Variants in TMEM255B observed in about 807,000 individuals in gnomAD.
The protein encoded by TMEM255B is family with sequence similarity 70, member B.
Under a neutral mutation model 34.5 loss-of-function variants are expected in TMEM255B, and 35 were observed. The observed-to-expected ratio is 1.01, with a 90% CI of 0.77 to 1.34. The LOEUF is 1.34. TMEM255B is among the 40% of genes most tolerant of loss of function. TMEM255B has a pLI of 0.00. For missense variants in TMEM255B, 432 were observed against 433.2 expected (o/e 1.00, Z 0.02); for synonymous variants, 206 against 201.2 (o/e 1.02, Z -0.20).
chr13:113,801,764 G>A lies in TMEM255B; in HGVS notation c.621G>A (p.Leu207=). The change falls in exon 7 of 9, where the codon CTG becomes CTA. Residue 207 remains leucine, a synonymous_variant. Transcript: ENST00000375353. ...CTGCAGTTCTGAACGTCCTGGGCCT[G>A]TTCCTGGGCATCATCACCGCCGCCG... ...WASAVLNVLG[L]FLGIITAAVL... 4 of 1,612,816 alleles carry A rather than the reference G, an allele frequency of 2.5e-6. No individual in the cohort carries two copies. Among genetic ancestry groups the A allele is most frequent in the Non-Finnish European group, 3.4e-6 (4 of 1,179,494 alleles).
rs113693127 is a variant in TMEM255B at position 113,815,922 on chromosome 13, CTG to C, written c.*4023_*4024del. 3.9e-3 allele frequency: 608 copies of C among 154,900 alleles called. 8 individuals carry two copies. The highest frequency in any genetic ancestry group is 0.014 in the African/African-American group (578 of 41,560). The allele number at this position is 154,900 out of a possible 1,614,324, so 9.6% of individuals were successfully genotyped here. On this transcript the variant is annotated 3_prime_UTR_variant, in exon 9 of 9. Transcript: ENST00000375353. ...CAGGGAAGGACACCAGACATGAAGA[CTG>C]TGTTCTGTTTATATGCAGTGTCCAG...
At chr13:113,808,714 C>T (rs967191889) in intron 8 of TMEM255B, among the ~76,000 whole-genome samples, 3 of 131,498 alleles carry the variant, frequency 2.3e-5, no homozygotes, top group Non-Finnish European at 4.6e-5. Context: ...GGGGTTTGTT[C>T]TGTGGTTCCT....
intron 2 of TMEM255B, among the ~76,000 whole-genome samples, chr13:113,766,955 A>G (rs1233884775): frequency 2.0e-5 from 3 of 152,236 alleles, no homozygotes; most frequent in Non-Finnish European, 2.9e-5. Flanking sequence ...CGTTAGTAAA[A>G]GAATTCTCCT....
chr13:113,769,519 C>T lies in TMEM255B; in HGVS notation c.252+359C>T, dbSNP rs1055800210. 17 of 224,352 alleles carry T rather than the reference C, an allele frequency of 7.6e-5. No individual in the cohort carries two copies. The highest frequency in any genetic ancestry group is 3.0e-4 in the Admixed American group (6 of 20,078). 13.9% of individuals were successfully genotyped at this position (224,352 alleles called of 1,614,324 possible). A position where few individuals can be genotyped will look rare whatever the true frequency, so the allele number is the denominator to read the frequency against. Reference sequence around the variant, plus strand: ...TTCAGGCAAAAACATGTGCATAAGCCTCTCTTCCTTTTGAACCAGTGGCTC... The same window carrying T: ...TTCAGGCAAAAACATGTGCATAAGCTTCTCTTCCTTTTGAACCAGTGGCTC... On this transcript the variant is annotated intron_variant, in intron 3 of 8. Transcript: ENST00000375353. This position sits in a 1 kb window ranked among gnomAD's most constrained non-coding sequence, Gnocchi z 4.2.
chr13:113,790,881 C>T (rs949571031), intron 3 of TMEM255B, among the ~76,000 whole-genome samples: 7 of 152,234 alleles, frequency 4.6e-5, no homozygotes, highest in East Asian at 1.9e-4. Context: ...GAACTTGCTG[C>T]GCGTGGCCAC....
intron 3 of TMEM255B, among the ~76,000 whole-genome samples, chr13:113,782,988 A>C (rs561367313): frequency 6.6e-6 from 1 of 152,172 alleles, no homozygotes; most frequent in East Asian, 1.9e-4. Flanking sequence ...TGTTAAAGAC[A>C]TGGAAGGCTG....
intron 8 of TMEM255B, among the ~76,000 whole-genome samples, chr13:113,807,874 A>G (rs113839450): frequency 0.025 from 3,394 of 135,378 alleles, 65 homozygotes; most frequent in Admixed American, 0.044. Context: ...CGTGGGGGGC[A>G]CAGGGGCAGA....
At position 113,779,663 on chromosome 13, in the gene TMEM255B, G is replaced by A. The variant is rs574043014; in HGVS notation, c.252+10503G>A. On this transcript the variant is annotated intron_variant, in intron 3 of 8. Coordinates refer to ENST00000375353, the MANE Select transcript of TMEM255B (RefSeq NM_182614.4). ...GAGGGAGCGTCTGCTGATACATCTC[G>A]TCTTCAGCTTATGGGGCTTTAAGAA... Among the ~76,000 whole-genome samples the A allele has an allele frequency of 1.8e-4, 28 of 152,272 alleles. No individual in the cohort carries two copies. The South Asian group carries it at 2.7e-3, about 15-fold the overall frequency.
intron 3 of TMEM255B, among the ~76,000 whole-genome samples, chr13:113,774,728 A>C (rs1370316057): frequency 8.2e-6 from 1 of 121,434 alleles, no homozygotes; most frequent in Non-Finnish European, 1.8e-5. Context: ...CATACACTAC[A>C]CACACGACAC....
chr13:113,783,904 G>T (rs2050701785), intron 3 of TMEM255B, among the ~76,000 whole-genome samples: 1 of 152,128 alleles, frequency 6.6e-6, no homozygotes, highest in Non-Finnish European at 1.5e-5. Flanking sequence ...TCTTTAAGAA[G>T]AAGGATTTCA....
At chr13:113,774,887 CAA>C (rs987970830) in intron 3 of TMEM255B, among the ~76,000 whole-genome samples, 4 of 150,540 alleles carry the variant, frequency 2.7e-5, no homozygotes, top group Non-Finnish European at 3.0e-5. Flanking sequence ...ACACCACACA[CAA>C]GACACAATAT....
intron 5 of TMEM255B, among the ~76,000 whole-genome samples, 179 bp from the exon 6 acceptor site, chr13:113,800,648 G>A (rs1302371402): frequency 2.0e-5 from 3 of 152,144 alleles, no homozygotes; most frequent in African/African-American, 7.2e-5. Flanking sequence ...CTGCAGGAAG[G>A]GTCCTGGCCC....
rs2051379866 is a variant in TMEM255B, at chr13:113,814,247, T to C, written c.*2344T>C. Reference sequence around the variant, plus strand: ...ACTGCAGGTCTGGGCAGGGAGTCTATGCCCCCTGGAGCTCTGGCCAGCAAA... The same window carrying C: ...ACTGCAGGTCTGGGCAGGGAGTCTACGCCCCCTGGAGCTCTGGCCAGCAAA... On this transcript the variant is annotated 3_prime_UTR_variant, in exon 9 of 9. Transcript: ENST00000375353. 1 of 152,260 alleles carries C rather than the reference T, an allele frequency of 6.6e-6. No individual in the cohort carries two copies. Among genetic ancestry groups the C allele is most frequent in the Non-Finnish European group, 1.5e-5 (1 of 68,104 alleles). 9.4% of individuals were successfully genotyped at this position (152,260 alleles called of 1,614,324 possible).
intron 1 of TMEM255B, among the ~76,000 whole-genome samples, chr13:113,764,345 C>T (rs1248306088): frequency 4.6e-5 from 7 of 152,030 alleles, no homozygotes; most frequent in African/African-American, 7.2e-5. Flanking sequence ...ACCCGGAGGG[C>T]GCAGGTGTGG....
At position 113,793,491 on chromosome 13, in the gene TMEM255B, A is replaced by G. The variant is rs2050866393; in HGVS notation, c.253-1657A>G. On this transcript the variant is annotated intron_variant, in intron 3 of 8. Transcript: ENST00000375353. ...CCCACCTGAGAAGAAAGGTGCCAGC[A>G]GGTGGGAGAACCATCTCTCTGTGAC... Among the ~76,000 whole-genome samples, 3 of 152,204 alleles carry G rather than the reference A, an allele frequency of 2.0e-5. No individual in the cohort carries two copies. The South Asian group carries it at 6.2e-4, about 31-fold the overall frequency.
rs778616850 is a variant in TMEM255B, at chr13:113,766,370, G to C, written c.189+113G>C. 5.4e-6 allele frequency: 8 copies of C among 1,480,824 alleles called. No individual in the cohort carries two copies. The African/African-American group carries it at 6.9e-5, about 13-fold the overall frequency. 91.7% of individuals were successfully genotyped at this position (1,480,824 alleles called of 1,614,324 possible). A position where few individuals can be genotyped will look rare whatever the true frequency, so the allele number is the denominator to read the frequency against. ...CTGGGGCTGAAGGTGGGGAGGCTTC[G>C]ATCAGTGCTTGTGGTCGGCAGGGTT... On this transcript the variant is annotated intron_variant, in intron 2 of 8. Transcript: ENST00000375353.
chr13:113,766,272 C>A lies in TMEM255B; in HGVS notation c.189+15C>A, dbSNP rs754032608. ...CAGGGATCATTGTGAGTGCGCCGGG[C>A]GGGCGGCCTGGGCCGGGGAGGGCAG... On this transcript the variant is annotated intron_variant, in intron 2 of 8. Transcript: ENST00000375353. The A allele has an allele frequency of 6.2e-7, 1 of 1,613,438 alleles. No individual in the cohort carries two copies. Among genetic ancestry groups the A allele is most frequent in the Non-Finnish European group, 8.5e-7 (1 of 1,179,664 alleles).
At chr13:113,801,836 C>G in intron 7 of TMEM255B, 24 bp downstream of exon 7, 1 of 1,561,750 alleles carries the variant, frequency 6.4e-7, no homozygotes, top group East Asian at 2.3e-5. Context: ...GTGGGACCCC[C>G]GCTGCTCACT....
chr13:113,774,174 A>G (rs554252671), intron 3 of TMEM255B, among the ~76,000 whole-genome samples: 68 of 151,530 alleles, frequency 4.5e-4, no homozygotes, highest in Non-Finnish European at 8.7e-4. Flanking sequence ...CAGACGTGGC[A>G]TCATTTCATT....
Sources: gnomAD v4.1 joint callset for allele counts (sites outside exome capture counted in the v4.1 genomes callset) on GRCh38, gnomAD v4.1.1 for gene constraint, Gnocchi (gnomAD v3.1) non-coding constraint, MANE v1.5 for transcripts, NCBI Gene and HGNC (gene_info 2026-07-23, HGNC 2026-07-21) for gene names.